NLGN1: variants seen among roughly 807,000 people sequenced by gnomAD.
NLGN1 encodes neuroligin-1.
A neutral mutation model predicts 65.5 loss-of-function variants in NLGN1; 12 were observed. That is an observed-to-expected ratio of 0.18 (90% CI 0.12 to 0.30). The LOEUF (loss-of-function observed/expected upper bound fraction) is 0.30. Among genes scored for constraint, NLGN1 ranks in the 10% least tolerant of loss-of-function variants. The probability of loss-of-function intolerance (pLI) is 1.00; values close to 1 mark genes in which losing one functional copy is unlikely to be tolerated. For synonymous variants in NLGN1, 350 were observed against 359.5 expected, an observed-to-expected ratio of 0.97 and a Z score of 0.30; for missense variants, 750 against 1,007.1, an observed-to-expected ratio of 0.74 and a Z score of 3.46.
intron 4 of NLGN1, among the ~76,000 whole-genome samples, chr3:173,992,844 T>C (rs1275986840): frequency 6.6e-6 from 1 of 152,192 alleles, no homozygotes; most frequent in Non-Finnish European, 1.5e-5. Flanking sequence ...ACAGCAATAT[T>C]TGTGTTTATT....
chr3:174,055,178 T>C (rs1189545144), intron 4 of NLGN1, among the ~76,000 whole-genome samples: 2 of 148,258 alleles, frequency 1.3e-5, no homozygotes, highest in Non-Finnish European at 3.0e-5. Flanking sequence ...TTCTGTCCAG[T>C]GCCTAAAATG....
At chr3:173,920,803 TAGAGAGAGATAGAAACAG>T (rs1043598542) in intron 4 of NLGN1, 5 of 151,624 alleles carry the variant, frequency 3.3e-5, no homozygotes, top group African/African-American at 9.7e-5. Flanking sequence ...CTTGTTTAGG[TAGAGAGAGATAGAAACAG>T]AGAGAGAGAG....
At chr3:174,077,670 C>T in intron 4 of NLGN1, among the ~76,000 whole-genome samples, 1 of 152,118 alleles carries the variant, frequency 6.6e-6, no homozygotes, top group East Asian at 1.9e-4. Flanking sequence ...TTTCTCCTGC[C>T]TCAGCCTCCT....
intron 1 of NLGN1, among the ~76,000 whole-genome samples, chr3:173,416,210 T>C (rs1713764207): frequency 6.6e-6 from 1 of 152,202 alleles, no homozygotes; most frequent in Non-Finnish European, 1.5e-5. Context: ...AGATGCTCAA[T>C]ATATGCATTC....
chr3:173,791,391 C>T lies in NLGN1; in HGVS notation c.494-16289C>T, dbSNP rs184452316. Among the ~76,000 whole-genome samples, 42 of 152,106 alleles carry T rather than the reference C, an allele frequency of 2.8e-4. 1 individual carries two copies. In the South Asian group the frequency reaches 7.3e-3, roughly 26 times the overall value. On this transcript the variant is annotated intron_variant, in intron 3 of 6. Coordinates refer to ENST00000457714, the Ensembl canonical transcript of NLGN1. ...TTTTCCAAGCTTTAAGTATTTATTC[C>T]GCACACCACCCAATTTAATGATATC...
At chr3:173,450,574 C>G (rs912712577) in intron 2 of NLGN1, among the ~76,000 whole-genome samples, 1 of 152,068 alleles carries the variant, frequency 6.6e-6, no homozygotes, top group Non-Finnish European at 1.5e-5. Flanking sequence ...ATCTTTGTGG[C>G]ATTCTCTGTA....
At chr3:173,494,287 A>G in intron 2 of NLGN1, among the ~76,000 whole-genome samples, 1 of 151,172 alleles carries the variant, frequency 6.6e-6, no homozygotes, top group East Asian at 1.9e-4. Context: ...CTGATTGATG[A>G]CATTGAGTAG....
At chr3:173,785,939 C>A (rs1428416685) in intron 3 of NLGN1, among the ~76,000 whole-genome samples, 3 of 152,036 alleles carry the variant, frequency 2.0e-5, no homozygotes, top group African/African-American at 7.2e-5. Context: ...TCATTTTACT[C>A]CCCAGTGAGA....
At chr3:173,836,357 T>C (rs541931207) in intron 4 of NLGN1, among the ~76,000 whole-genome samples, 4 of 152,124 alleles carry the variant, frequency 2.6e-5, no homozygotes, top group Non-Finnish European at 4.4e-5. Context: ...GTTAGCACCA[T>C]ATTATCACAA....
intron 3 of NLGN1, among the ~76,000 whole-genome samples, chr3:173,617,353 T>A (rs77592068): frequency 0.053 from 8,052 of 152,274 alleles, 340 homozygotes; most frequent in Middle Eastern, 0.14. Flanking sequence ...CACTGCTATA[T>A]CTATAGCATT....
At chr3:173,582,981 AAT>A (rs1359020863) in intron 2 of NLGN1, among the ~76,000 whole-genome samples, 3 of 152,154 alleles carry the variant, frequency 2.0e-5, no homozygotes, top group Non-Finnish European at 4.4e-5. Flanking sequence ...TCAGTGTCTG[AAT>A]ATGTCATCTT....
chr3:174,132,392 T>C (rs1349415711), intron 4 of NLGN1, among the ~76,000 whole-genome samples: 1 of 152,236 alleles, frequency 6.6e-6, no homozygotes, highest in Non-Finnish European at 1.5e-5. Flanking sequence ...AAATTTTTTC[T>C]TTCATGTTTC....
At chr3:173,924,802 G>A (rs1028656088) in intron 4 of NLGN1, among the ~76,000 whole-genome samples, 3 of 151,738 alleles carry the variant, frequency 2.0e-5, no homozygotes, top group African/African-American at 7.3e-5. Flanking sequence ...AAGGTATATG[G>A]GTAAAAATAT....
intron 4 of NLGN1, among the ~76,000 whole-genome samples, chr3:173,978,947 G>T (rs1718158200): frequency 6.6e-6 from 1 of 151,662 alleles, no homozygotes; most frequent in Admixed American, 6.6e-5. Context: ...AGAGATTGCA[G>T]CGAGCCAAGA....
intron 4 of NLGN1, among the ~76,000 whole-genome samples, chr3:174,201,971 T>A (rs1734589817): frequency 6.6e-6 from 1 of 152,158 alleles, no homozygotes; most frequent in African/African-American, 2.4e-5. Flanking sequence ...TACTTCTTAT[T>A]CTTTAATCCT....
intron 4 of NLGN1, among the ~76,000 whole-genome samples, chr3:173,980,022 C>T (rs144256726): frequency 7.4e-4 from 112 of 152,108 alleles, no homozygotes; most frequent in Admixed American, 1.6e-3. Flanking sequence ...TGAAACATGA[C>T]GTATTAAGAA....
At chr3:173,457,278 A>G (rs1317514075) in intron 2 of NLGN1, among the ~76,000 whole-genome samples, 1 of 152,158 alleles carries the variant, frequency 6.6e-6, no homozygotes, top group African/African-American at 2.4e-5. Flanking sequence ...TAGGGGGAAT[A>G]GTACCAGAAA....
chr3:174,089,346 C>T (rs993200129), intron 4 of NLGN1, among the ~76,000 whole-genome samples: 4 of 152,098 alleles, frequency 2.6e-5, no homozygotes, highest in Non-Finnish European at 5.9e-5. Flanking sequence ...CTTCCGCTAG[C>T]CTGTTCTTTA....
intron 4 of NLGN1, among the ~76,000 whole-genome samples, chr3:173,905,887 A>G (rs531642336): frequency 6.6e-6 from 1 of 152,306 alleles, no homozygotes; most frequent in South Asian, 2.1e-4. Context: ...AGTCCCTGAA[A>G]TTTAATCACG....
Sources: allele counts gnomAD v4.1 joint callset (sites outside exome capture counted in the v4.1 genomes callset), GRCh38; gene constraint gnomAD v4.1.1; transcripts MANE v1.5; gene names NCBI Gene and HGNC (gene_info 2026-07-23, HGNC 2026-07-21).